ANKRD45: variants seen among roughly 807,000 people sequenced by gnomAD.
The protein encoded by ANKRD45 is ankyrin repeat domain 45.
Under a neutral mutation model 28.1 loss-of-function variants are expected in ANKRD45, and 21 were observed. The ratio of observed to expected loss-of-function variants is 0.75; its 90% CI spans 0.53 to 1.08. ANKRD45 has a LOEUF of 1.08. Ranked by LOEUF, ANKRD45 falls within the 50% of genes least tolerant of loss-of-function variation. The pLI is 0.00. For synonymous variants in ANKRD45, 86 were observed against 103.9 expected, an observed-to-expected ratio of 0.83 and a Z score of 1.05; for missense variants, 261 against 308.7, an observed-to-expected ratio of 0.85 and a Z score of 1.16.
chr1:173,692,146 TTAAAAG>T, the ANKRD45 span, among the ~76,000 whole-genome samples: 2 of 152,108 alleles, frequency 1.3e-5, no homozygotes, highest in East Asian at 3.9e-4. Flanking sequence ...GAAGTGAAGT[TTAAAAG>T]TAGAAAGTTT....
intron 5 of ANKRD45, among the ~76,000 whole-genome samples, chr1:173,624,070 C>A (rs1667820280): frequency 6.6e-6 from 1 of 151,978 alleles, no homozygotes; most frequent in Admixed American, 6.6e-5. Context: ...TGTAACAAAC[C>A]AGCACATCCT....
the ANKRD45 span, among the ~76,000 whole-genome samples, chr1:173,711,888 T>C: frequency 5.3e-5 from 8 of 152,022 alleles, no homozygotes; most frequent in Non-Finnish European, 8.8e-5. Context: ...TTGCAGTGGG[T>C]TGGGGAGTGA....
At chr1:173,678,094 A>G in the ANKRD45 span, among the ~76,000 whole-genome samples, 2 of 152,154 alleles carry the variant, frequency 1.3e-5, no homozygotes, top group South Asian at 2.1e-4. Context: ...GGTGAAACCA[A>G]AAAAAGTCCA....
intron 2 of ANKRD45, among the ~76,000 whole-genome samples, chr1:173,650,459 C>A (rs1339715625): frequency 6.6e-6 from 1 of 152,214 alleles, no homozygotes; most frequent in Non-Finnish European, 1.5e-5. Flanking sequence ...GCAGAGCATT[C>A]CGTGGTATAT....
intron 1 of ANKRD45, among the ~76,000 whole-genome samples, chr1:173,662,796 T>G (rs1669836763): frequency 6.6e-6 from 1 of 152,184 alleles, no homozygotes; most frequent in Non-Finnish European, 1.5e-5. Context: ...TACAATGCGG[T>G]GTGGCTACCC....
At chr1:173,659,659 T>A (rs1669695739) in intron 1 of ANKRD45, among the ~76,000 whole-genome samples, 1 of 152,172 alleles carries the variant, frequency 6.6e-6, no homozygotes, top group Admixed American at 6.5e-5. Context: ...AAATGTTAAA[T>A]GTGTGAAATA....
At chr1:173,647,520 G>T (rs939761816) in intron 2 of ANKRD45, among the ~76,000 whole-genome samples, 8 of 152,168 alleles carry the variant, frequency 5.3e-5, no homozygotes, top group African/African-American at 1.7e-4. Context: ...TATCAAATTA[G>T]AAAGTCATTT....
intron 3 of ANKRD45, among the ~76,000 whole-genome samples, chr1:173,642,078 C>T (rs1668726153): frequency 6.6e-6 from 1 of 152,134 alleles, no homozygotes; most frequent in Non-Finnish European, 1.5e-5. Context: ...AATAATACTA[C>T]CCCTGATGGA....
the ANKRD45 span, among the ~76,000 whole-genome samples, chr1:173,698,527 A>T: frequency 6.6e-6 from 1 of 152,166 alleles, no homozygotes; most frequent in Non-Finnish European, 1.5e-5. Flanking sequence ...ACTCAAAACC[A>T]CACAACTACA....
intron 2 of ANKRD45, among the ~76,000 whole-genome samples, chr1:173,654,179 T>C (rs1412573629): frequency 1.3e-5 from 2 of 152,166 alleles, no homozygotes; most frequent in African/African-American, 4.8e-5. Context: ...TTGATGCAGT[T>C]TCTTCCTAGT....
At chr1:173,652,243 A>G (rs954781961) in intron 2 of ANKRD45, among the ~76,000 whole-genome samples, 1 of 152,168 alleles carries the variant, frequency 6.6e-6, no homozygotes, top group East Asian at 1.9e-4. Flanking sequence ...TGTCATAAAT[A>G]GCTCTTATTA....
intron 3 of ANKRD45, chr1:173,635,508 A>G (rs958877502): frequency 6.1e-6 from 9 of 1,477,770 alleles, no homozygotes; most frequent in African/African-American, 2.8e-5. Context: ...TTTTTTTTCA[A>G]TTGACAAAGA....
chr1:173,693,504 C>A, the ANKRD45 span, among the ~76,000 whole-genome samples: 3 of 152,174 alleles, frequency 2.0e-5, no homozygotes, highest in Non-Finnish European at 4.4e-5. Flanking sequence ...CAGAACACAG[C>A]TTTAAAGCCA....
chr1:173,679,023 A>G, the ANKRD45 span, among the ~76,000 whole-genome samples: 54 of 152,334 alleles, frequency 3.5e-4, no homozygotes, highest in African/African-American at 1.2e-3. Context: ...GGAGAACTAC[A>G]AACCACTGCT....
the ANKRD45 span, among the ~76,000 whole-genome samples, chr1:173,707,389 G>C: frequency 2.0e-5 from 3 of 151,586 alleles, no homozygotes; most frequent in Non-Finnish European, 4.4e-5. Context: ...CTGAAGTGCA[G>C]TGGTGCGATC....
chr1:173,617,147 G>A (rs1318475373), intron 5 of ANKRD45, among the ~76,000 whole-genome samples: 3 of 152,154 alleles, frequency 2.0e-5, no homozygotes, highest in Non-Finnish European at 1.5e-5. Flanking sequence ...CAAAGCAGAT[G>A]CTCAGGCTCA....
chr1:173,665,491 C>A (rs538689374), intron 1 of ANKRD45, among the ~76,000 whole-genome samples: 1 of 152,136 alleles, frequency 6.6e-6, no homozygotes, highest in Non-Finnish European at 1.5e-5. Context: ...GATATGAAGA[C>A]AAACTAGATC....
chr1:173,699,602 G>T, the ANKRD45 span, among the ~76,000 whole-genome samples: 8,755 of 151,972 alleles, frequency 0.058, 817 homozygotes, highest in African/African-American at 0.19. Flanking sequence ...TGCAGAAAAG[G>T]CCTGACAAAA....
the ANKRD45 span, among the ~76,000 whole-genome samples, chr1:173,714,363 AC>A: frequency 8.5e-5 from 13 of 152,324 alleles, no homozygotes; most frequent in Middle Eastern, 3.4e-3. Context: ...TCCCTCCTTA[AC>A]ATTAAAGTGA....
Sources: gnomAD v4.1 joint callset for allele counts (sites outside exome capture counted in the v4.1 genomes callset) on GRCh38, gnomAD v4.1.1 for gene constraint, MANE v1.5 for transcripts, NCBI Gene and HGNC (gene_info 2026-07-23, HGNC 2026-07-21) for gene names.